The following NRXN3 variants were observed in gnomAD, a reference collection of about 807,000 sequenced individuals.
NRXN3 encodes the protein neurexin 3.
In NRXN3, 32 loss-of-function variants were observed where a neutral mutation model predicts 137.6. That is an observed-to-expected ratio of 0.23 (90% CI 0.18 to 0.31). The LOEUF (loss-of-function observed/expected upper bound fraction) is 0.31. Ranked by LOEUF, NRXN3 falls within the 10% of genes least tolerant of loss-of-function variation. The probability of loss-of-function intolerance (pLI) is 1.00; values close to 1 mark genes in which losing one functional copy is unlikely to be tolerated. For synonymous variants in NRXN3, 798 were observed against 784.5 expected, an observed-to-expected ratio of 1.02 and a Z score of -0.29; for missense variants, 1,574 against 2,062.5, an observed-to-expected ratio of 0.76 and a Z score of 4.59.
rs965751583 is a variant in NRXN3, at chr14:78,983,854, TAAAA to T, written c.3143-4153_3143-4150del. Among the ~76,000 whole-genome samples the T allele has an allele frequency of 6.2e-3, 657 of 105,952 alleles. 6 individuals are homozygous for T. The highest frequency in any genetic ancestry group is 0.021 in the African/African-American group (629 of 30,334). 69.5% of individuals were successfully genotyped at this position (105,952 alleles called of 152,430 possible). A position where few individuals can be genotyped will look rare whatever the true frequency, so the allele number is the denominator to read the frequency against. On this transcript the variant is annotated intron_variant, in intron 14 of 20. Transcript: ENST00000335750. ...CCTGGTGACAGAGCAAGATTCCATT[TAAAA>T]AAAAAAAAAAAAAAGAAAAAAAAAG...
intron 4 of NRXN3, among the ~76,000 whole-genome samples, chr14:78,408,694 A>G (rs1296289298): frequency 1.3e-5 from 2 of 152,210 alleles, no homozygotes; most frequent in Non-Finnish European, 2.9e-5. Flanking sequence ...GGGAGCTGCA[A>G]GACAACTATT....
intron 19 of NRXN3, among the ~76,000 whole-genome samples, chr14:79,776,136 C>T (rs2099096438): frequency 6.6e-6 from 1 of 152,160 alleles, no homozygotes; most frequent in African/African-American, 2.4e-5. Flanking sequence ...ATTTCCACTA[C>T]AGCTTTCTCT....
intron 15 of NRXN3, among the ~76,000 whole-genome samples, chr14:79,210,319 A>G (rs2067455161): frequency 6.6e-6 from 1 of 152,204 alleles, no homozygotes; most frequent in African/African-American, 2.4e-5. Flanking sequence ...ACTAGGACAG[A>G]TATGTTTCTC....
At chr14:78,913,079 C>T (rs1349453455) in intron 10 of NRXN3, among the ~76,000 whole-genome samples, 1 of 151,912 alleles carries the variant, frequency 6.6e-6, no homozygotes, top group Non-Finnish European at 1.5e-5. Flanking sequence ...AAGGCAAACA[C>T]TAAACAAGAT....
At chr14:79,439,450 G>A (rs2095896503) in intron 15 of NRXN3, among the ~76,000 whole-genome samples, 1 of 152,228 alleles carries the variant, frequency 6.6e-6, no homozygotes, top group Middle Eastern at 3.4e-3. Flanking sequence ...AGATTTGATG[G>A]CCTGCATCCC....
chr14:79,130,162 C>A (rs1258767085), intron 15 of NRXN3, among the ~76,000 whole-genome samples: 3 of 151,098 alleles, frequency 2.0e-5, no homozygotes, highest in Non-Finnish European at 3.0e-5. Flanking sequence ...TTAATTGGAG[C>A]ATTTAGTCCA....
intron 4 of NRXN3, among the ~76,000 whole-genome samples, chr14:78,371,098 C>G (rs1339563322): frequency 6.6e-6 from 1 of 152,272 alleles, no homozygotes; most frequent in South Asian, 2.1e-4. Flanking sequence ...GCCCCACTCT[C>G]AAACCTGGAA....
At chr14:79,097,260 C>G (rs1343486928) in intron 15 of NRXN3, among the ~76,000 whole-genome samples, 2 of 152,074 alleles carry the variant, frequency 1.3e-5, no homozygotes, top group African/African-American at 2.4e-5. Context: ...GCACCAGAAG[C>G]AAATTTATTC....
At position 78,935,296 on chromosome 14, in the gene NRXN3, A is replaced by T. The variant is rs538809272; in HGVS notation, c.2276-21946A>T. On this transcript the variant is annotated intron_variant, in intron 10 of 20. Coordinates refer to ENST00000335750, the MANE Select transcript of NRXN3 (RefSeq NM_001330195.2). The stretch of plus-strand genomic sequence containing the variant: ...ATATATGTACGTGAAAATGTATTCT[A>T]CAGCCCTAACCTGCTGCATCTGGCT... 5.9e-5 allele frequency among the ~76,000 whole-genome samples: 9 copies of T among 152,250 alleles called. No homozygotes were observed. In the South Asian group the frequency reaches 8.3e-4, roughly 14 times the overall value.
At chr14:79,686,252 A>AAGAT (rs1166970904) in intron 17 of NRXN3, among the ~76,000 whole-genome samples, 1 of 152,126 alleles carries the variant, frequency 6.6e-6, no homozygotes. Context: ...GAAAAAAAAA[A>AAGAT]AGATAGTTGG....
chr14:79,378,876 T>A (rs1192197982), intron 15 of NRXN3, among the ~76,000 whole-genome samples: 10 of 143,620 alleles, frequency 7.0e-5, no homozygotes, highest in Non-Finnish European at 9.2e-5. Flanking sequence ...TGAACAGATT[T>A]AAAAAAAAAA....
intron 1 of NRXN3, among the ~76,000 whole-genome samples, chr14:78,181,346 G>A (rs2059789858): frequency 6.7e-6 from 1 of 149,700 alleles, no homozygotes; most frequent in Non-Finnish European, 1.5e-5. Context: ...AGGTGAGGTG[G>A]AGATCTCTAG....
intron 6 of NRXN3, among the ~76,000 whole-genome samples, chr14:78,678,600 C>T (rs1416501539): frequency 6.6e-6 from 1 of 152,122 alleles, no homozygotes; most frequent in East Asian, 1.9e-4. Context: ...ATTCACACTC[C>T]CACCAGCAGA....
At chr14:79,741,764 G>A (rs904566100) in intron 19 of NRXN3, among the ~76,000 whole-genome samples, 1 of 151,558 alleles carries the variant, frequency 6.6e-6, no homozygotes, top group Non-Finnish European at 1.5e-5. Context: ...GGTATTACAG[G>A]TGTGAGCCAC....
At chr14:79,315,112 C>T (rs925545034) in intron 15 of NRXN3, among the ~76,000 whole-genome samples, 1 of 152,162 alleles carries the variant, frequency 6.6e-6, no homozygotes, top group Non-Finnish European at 1.5e-5. Context: ...CCTCATTGTA[C>T]TTCTTTTATC....
chr14:79,197,132 C>G (rs1474760786), intron 15 of NRXN3, among the ~76,000 whole-genome samples: 1 of 152,110 alleles, frequency 6.6e-6, no homozygotes, highest in Non-Finnish European at 1.5e-5. Context: ...GGTTACTGGA[C>G]CAAATGTCTC....
At chr14:79,065,617 G>A (rs925525750) in intron 15 of NRXN3, among the ~76,000 whole-genome samples, 1 of 152,100 alleles carries the variant, frequency 6.6e-6, no homozygotes, top group Admixed American at 6.6e-5. Flanking sequence ...TGAGATAAAG[G>A]TGCTGGCGGG....
Position 79,365,738 on chromosome 14 carries a change from AAAAAAAG to A in NRXN3, c.3263-101476_3263-101470del, listed in dbSNP as rs1422567756. Reference sequence around the variant, plus strand: ...GAGACTCTGTCTCAAAAAAAAAAAAAAAAAAAGAAAAAAAAGAAGAGTTTTATTAAAC... The same window carrying A: ...GAGACTCTGTCTCAAAAAAAAAAAAAAAAAAAAAGAAGAGTTTTATTAAAC... On this transcript the variant is annotated intron_variant, in intron 15 of 20. Transcript: ENST00000335750. 4.8e-4 allele frequency among the ~76,000 whole-genome samples: 70 copies of A among 144,524 alleles called. 1 individual carries two copies. Among genetic ancestry groups the A allele is most frequent in the African/African-American group, 1.4e-3 (57 of 39,926 alleles). 94.8% of individuals were successfully genotyped at this position (144,524 alleles called of 152,430 possible). A position where few individuals can be genotyped will look rare whatever the true frequency, so the allele number is the denominator to read the frequency against.
At chr14:79,039,291 A>G (rs2099621272) in intron 15 of NRXN3, among the ~76,000 whole-genome samples, 1 of 152,108 alleles carries the variant, frequency 6.6e-6, no homozygotes, top group African/African-American at 2.4e-5. Flanking sequence ...CTCAGGTCTA[A>G]TTTTAGGTAA....
Sources: gnomAD v4.1 joint callset for allele counts (sites outside exome capture counted in the v4.1 genomes callset) on GRCh38, gnomAD v4.1.1 for gene constraint, MANE v1.5 for transcripts, NCBI Gene and HGNC (gene_info 2026-07-23, HGNC 2026-07-21) for gene names.